Variants in CSNK1G1 observed in about 807,000 individuals in gnomAD.
CSNK1G1 encodes the protein casein kinase I isoform gamma-1.
A neutral mutation model predicts 59.6 loss-of-function variants in CSNK1G1; 22 were observed. The observed-to-expected ratio is 0.37, with a 90% CI of 0.26 to 0.53. The LOEUF (loss-of-function observed/expected upper bound fraction) is 0.53. Among genes scored for constraint, CSNK1G1 ranks in the 20% least tolerant of loss-of-function variants. CSNK1G1 has a pLI of 0.89. For synonymous variants in CSNK1G1, 179 were observed against 177.1 expected, an observed-to-expected ratio of 1.01 and a Z score of -0.08; for missense variants, 384 against 519.5, an observed-to-expected ratio of 0.74 and a Z score of 2.54.
intron 6 of CSNK1G1, 88 bp from the exon 7 acceptor site, chr15:64,207,682 C>T (rs769607949): frequency 1.3e-5 from 13 of 963,330 alleles, no homozygotes; most frequent in African/African-American, 3.2e-5. Context: ...AGAAACCCTT[C>T]GGCTCTGGAA....
chr15:64,184,231 A>C (rs2081858921), intron 10 of CSNK1G1, among the ~76,000 whole-genome samples: 1 of 152,056 alleles, frequency 6.6e-6, no homozygotes, highest in Non-Finnish European at 1.5e-5. Flanking sequence ...TGAACCTGGG[A>C]GGCGTAGCTT....
chr15:64,202,548 CTTTTT>C (rs869164024), intron 10 of CSNK1G1, among the ~76,000 whole-genome samples: 1 of 139,916 alleles, frequency 7.1e-6, no homozygotes. Context: ...GGCCCACACA[CTTTTT>C]TTTTTTTTTT....
At position 64,354,435 on chromosome 15, in the gene CSNK1G1, C is replaced by T. The variant is rs114089803; in HGVS notation, c.-225+1553G>A. ...TTCATGTATTTCGTGTTAATCCATACTATAAACACCAATATGGTGTAGCTG... is the reference window on the plus strand; with the variant it reads ...TTCATGTATTTCGTGTTAATCCATATTATAAACACCAATATGGTGTAGCTG... On this transcript the variant is annotated intron_variant, in intron 1 of 11. Coordinates refer to ENST00000303052, the MANE Select transcript of CSNK1G1 (RefSeq NM_022048.5). 6.7e-3 allele frequency among the ~76,000 whole-genome samples: 1,016 copies of T among 152,284 alleles called. 16 individuals are homozygous for T. The highest frequency in any genetic ancestry group is 0.022 in the African/African-American group (935 of 41,562).
chr15:64,241,806 A>C (rs556217418), intron 4 of CSNK1G1, among the ~76,000 whole-genome samples: 44 of 151,368 alleles, frequency 2.9e-4, no homozygotes, highest in Middle Eastern at 3.4e-3. Context: ...AAGAAACTAG[A>C]AAAGAAAAAA....
At chr15:64,317,405 A>C (rs2140433035) in intron 1 of CSNK1G1, among the ~76,000 whole-genome samples, 1 of 151,364 alleles carries the variant, frequency 6.6e-6, no homozygotes, top group South Asian at 2.1e-4. Context: ...TTTCTATAGA[A>C]TTTTTGTAGA....
chr15:64,321,523 C>T lies in CSNK1G1; in HGVS notation c.-224-20800G>A, dbSNP rs1185629370. Among the ~76,000 whole-genome samples the T allele has an allele frequency of 2.0e-5, 3 of 152,138 alleles. No individual in the cohort carries two copies. In the East Asian group the frequency reaches 5.8e-4, roughly 29 times the overall value. ...AAGCGATCCTCCTGCTTCAACCTCC[C>T]AAAGGGCTGGGATTACAGGCACCAG... On this transcript the variant is annotated intron_variant, in intron 1 of 11. Coordinates refer to ENST00000303052, the MANE Select transcript of CSNK1G1 (RefSeq NM_022048.5).
chr15:64,200,090 C>T lies in CSNK1G1; in HGVS notation c.1107+2992G>A, dbSNP rs750064649. Among the ~76,000 whole-genome samples, 2 of 151,362 alleles carry T rather than the reference C, an allele frequency of 1.3e-5. No homozygotes were observed. Among genetic ancestry groups the T allele is most frequent in the African/African-American group, 2.4e-5 (1 of 41,204 alleles). On this transcript the variant is annotated intron_variant, in intron 10 of 11. Coordinates refer to ENST00000303052, the MANE Select transcript of CSNK1G1 (RefSeq NM_022048.5). The surrounding 1 kb of genome is among the most constrained non-coding windows in gnomAD (Gnocchi z 4.3). ...TGAAACCCCATCTCCACTAAACATACAAAAATTAGCCCGGTGTGGTGGCAG... is the reference window on the plus strand; with the variant it reads ...TGAAACCCCATCTCCACTAAACATATAAAAATTAGCCCGGTGTGGTGGCAG...
intron 4 of CSNK1G1, among the ~76,000 whole-genome samples, chr15:64,247,347 A>T (rs1891814124): frequency 6.6e-6 from 1 of 152,228 alleles, no homozygotes; most frequent in Admixed American, 6.5e-5. Context: ...AAGATTTTAC[A>T]ATTTGGTTTC....
At chr15:64,230,353 G>C (rs955031051) in intron 4 of CSNK1G1, among the ~76,000 whole-genome samples, 9 of 151,574 alleles carry the variant, frequency 5.9e-5, no homozygotes, top group African/African-American at 2.2e-4. Context: ...CTATAGTGCA[G>C]TGGCACAAAC....
chr15:64,346,104 G>C (rs12912798), intron 1 of CSNK1G1, among the ~76,000 whole-genome samples: 33,153 of 151,798 alleles, frequency 0.22, 5,273 homozygotes, highest in East Asian at 0.75. Context: ...TAAACCAATT[G>C]GTCACGACTG....
chr15:64,189,304 C>A, intron 10 of CSNK1G1: 2 of 1,039,882 alleles, frequency 1.9e-6, no homozygotes, highest in South Asian at 6.1e-5. Flanking sequence ...TTGGATTCTG[C>A]TTTCACCTTA....
intron 4 of CSNK1G1, among the ~76,000 whole-genome samples, chr15:64,217,466 T>G (rs542214814): frequency 6.6e-6 from 1 of 152,278 alleles, no homozygotes; most frequent in South Asian, 2.1e-4. Context: ...TAAAGTGCAT[T>G]GTAAATATGA....
intron 2 of CSNK1G1, among the ~76,000 whole-genome samples, chr15:64,266,344 G>A (rs1892987111): frequency 6.6e-6 from 1 of 151,882 alleles, no homozygotes; most frequent in Non-Finnish European, 1.5e-5. Flanking sequence ...CCAAAGTGCT[G>A]GGATTACAGG....
chr15:64,227,098 C>T lies in CSNK1G1; in HGVS notation c.293-10385G>A, dbSNP rs138488985. On this transcript the variant is annotated intron_variant, in intron 4 of 11. Transcript: ENST00000303052. ...GTAAATTAATAACTACAACTCAGTG[C>T]GATGGCACTTGAGTTTTCCATTTGG... Among the ~76,000 whole-genome samples the T allele has an allele frequency of 5.2e-3, 796 of 152,284 alleles. 6 individuals carry two copies. The highest frequency in any genetic ancestry group is 6.2e-3 in the Non-Finnish European group (421 of 68,018).
At chr15:64,228,505 G>A (rs150764233) in intron 4 of CSNK1G1, among the ~76,000 whole-genome samples, 1,898 of 152,064 alleles carry the variant, frequency 0.012, 29 homozygotes, top group African/African-American at 0.044. Context: ...GCGTGGTGGC[G>A]CACGCCTGTA....
intron 2 of CSNK1G1, among the ~76,000 whole-genome samples, chr15:64,291,347 G>T (rs1596230160): frequency 6.6e-6 from 1 of 152,156 alleles, no homozygotes; most frequent in East Asian, 1.9e-4. Flanking sequence ...AGCACTTTGG[G>T]AGGCTGAAGC....
chr15:64,348,126 A>T (rs1351560627), intron 1 of CSNK1G1, among the ~76,000 whole-genome samples: 1 of 152,162 alleles, frequency 6.6e-6, no homozygotes, highest in Non-Finnish European at 1.5e-5. Context: ...AGGCAATACT[A>T]TAGAGACAGT....
intron 10 of CSNK1G1, 59 bp from the exon 11 acceptor site, chr15:64,180,513 G>T: frequency 7.4e-7 from 1 of 1,355,706 alleles, no homozygotes; most frequent in Non-Finnish European, 1.1e-6. Flanking sequence ...TCTCTTGCCA[G>T]CGCCAGACAG....
chr15:64,235,337 ATTT>A (rs2082601263), intron 4 of CSNK1G1, among the ~76,000 whole-genome samples: 1 of 152,194 alleles, frequency 6.6e-6, no homozygotes, highest in Admixed American at 6.5e-5. Flanking sequence ...TTAAACCAAC[ATTT>A]TTTATTGGCT....
Sources: allele counts gnomAD v4.1 joint callset (sites outside exome capture counted in the v4.1 genomes callset), GRCh38; gene constraint gnomAD v4.1.1; non-coding constraint Gnocchi (gnomAD v3.1); transcripts MANE v1.5; gene names NCBI Gene and HGNC (gene_info 2026-07-23, HGNC 2026-07-21).